DGKB: variants seen among roughly 807,000 people sequenced by gnomAD.
DGKB encodes the protein diacylglycerol kinase beta, also known as 90 kDa diacylglycerol kinase.
A neutral mutation model predicts 114.3 loss-of-function variants in DGKB; 67 were observed. The observed-to-expected ratio is 0.59, with a 90% confidence interval of 0.48 to 0.72. The LOEUF is 0.72. DGKB is among the 30% of genes least tolerant of loss of function. The pLI, the probability that DGKB is intolerant of heterozygous loss-of-function variation, is 0.00. For missense variants in DGKB, 907 were observed against 975.2 expected, an observed-to-expected ratio of 0.93 and a Z score of 0.93; for synonymous variants, 398 against 323.1, an observed-to-expected ratio of 1.23 and a Z score of -2.49.
chr7:14,882,159 A>C (rs1273699609), intron 1 of DGKB, among the ~76,000 whole-genome samples: 1 of 152,022 alleles, frequency 6.6e-6, no homozygotes, highest in Non-Finnish European at 1.5e-5. Flanking sequence ...TTTGGAGTTA[A>C]AAAAGTGAGA....
intron 1 of DGKB, among the ~76,000 whole-genome samples, chr7:14,892,896 A>G (rs1781485297): frequency 6.6e-6 from 1 of 150,388 alleles, no homozygotes; most frequent in Non-Finnish European, 1.5e-5. Flanking sequence ...GTATACACAT[A>G]TGTATATGTA....
intron 9 of DGKB, among the ~76,000 whole-genome samples, chr7:14,689,196 C>CTTCTTTTTTTTT (rs1554599070): frequency 1.2e-5 from 1 of 80,304 alleles, no homozygotes; most frequent in Non-Finnish European, 2.5e-5. Flanking sequence ...AGAAACTCCT[C>CTTCTTTTTTTTT]TTATTTTTTT....
intron 13 of DGKB, among the ~76,000 whole-genome samples, chr7:14,661,213 T>C (rs1489241225): frequency 6.7e-6 from 1 of 150,016 alleles, no homozygotes; most frequent in Non-Finnish European, 1.5e-5. Flanking sequence ...TGGGATCTAA[T>C]TAAACTAAAG....
chr7:14,489,354 T>C (rs1365429516), intron 20 of DGKB, among the ~76,000 whole-genome samples: 1 of 152,210 alleles, frequency 6.6e-6, no homozygotes, highest in African/African-American at 2.4e-5. Context: ...AAATTAGATA[T>C]TTAACTCTGT....
At chr7:14,164,243 A>AT (rs991995053) in intron 25 of DGKB, among the ~76,000 whole-genome samples, 4 of 152,084 alleles carry the variant, frequency 2.6e-5, no homozygotes, top group Admixed American at 6.6e-5. Flanking sequence ...TCTTCTGTTG[A>AT]TTTTTTCTCC....
chr7:14,281,850 G>T (rs948182777), intron 23 of DGKB, among the ~76,000 whole-genome samples: 1,971 of 144,770 alleles, frequency 0.014, 29 homozygotes, highest in South Asian at 0.017. Context: ...TCTCTGGGAC[G>T]CATTCAAAGC....
intron 23 of DGKB, among the ~76,000 whole-genome samples, chr7:14,309,256 G>T (rs575658003): frequency 1.8e-4 from 27 of 152,114 alleles, no homozygotes; most frequent in African/African-American, 6.5e-4. Flanking sequence ...TTTGCAATCA[G>T]AGCCCTGTCT....
intron 1 of DGKB, among the ~76,000 whole-genome samples, chr7:14,946,113 T>G (rs2128257429): frequency 7.1e-6 from 1 of 140,588 alleles, no homozygotes; most frequent in South Asian, 2.1e-4. Flanking sequence ...TCTCTTTCAT[T>G]TTGATTTGTT....
chr7:14,844,273 C>T, intron 1 of DGKB, among the ~76,000 whole-genome samples: 1 of 152,080 alleles, frequency 6.6e-6, no homozygotes, highest in East Asian at 1.9e-4. Context: ...GCTGCAAACC[C>T]AGAAGTTTCT....
intron 6 of DGKB, among the ~76,000 whole-genome samples, chr7:14,714,032 T>C (rs1827788808): frequency 6.6e-6 from 1 of 151,732 alleles, no homozygotes; most frequent in African/African-American, 2.4e-5. Context: ...TTGACTTTAA[T>C]ACACTTCCAT....
At chr7:14,230,443 G>A (rs574607328) in intron 23 of DGKB, among the ~76,000 whole-genome samples, 1 of 151,758 alleles carries the variant, frequency 6.6e-6, no homozygotes, top group East Asian at 1.9e-4. Flanking sequence ...AAGCTGTTAT[G>A]GTAAAATTTC....
chr7:14,356,642 G>A (rs1003603322), intron 21 of DGKB, among the ~76,000 whole-genome samples: 1 of 151,952 alleles, frequency 6.6e-6, no homozygotes, highest in African/African-American at 2.4e-5. Flanking sequence ...TTACAGGCGT[G>A]AGCCACCACG....
chr7:14,377,101 G>A (rs1386299932), intron 21 of DGKB, among the ~76,000 whole-genome samples: 2 of 152,166 alleles, frequency 1.3e-5, no homozygotes, highest in African/African-American at 4.8e-5. Context: ...TGAACCATGA[G>A]AACCCCTAAA....
At chr7:14,502,465 G>GC (rs1225201974) in intron 20 of DGKB, among the ~76,000 whole-genome samples, 1 of 151,980 alleles carries the variant, frequency 6.6e-6, no homozygotes, top group African/African-American at 2.4e-5. Context: ...GCTGTTTAAA[G>GC]CCATTACACT....
chr7:14,579,202 G>A (rs1799580894), intron 19 of DGKB, among the ~76,000 whole-genome samples: 2 of 152,054 alleles, frequency 1.3e-5, no homozygotes, highest in Non-Finnish European at 2.9e-5. Flanking sequence ...ATCTCCAGAA[G>A]GATAGAAGCC....
chr7:14,290,921 C>G (rs1427941528), intron 23 of DGKB, among the ~76,000 whole-genome samples: 2 of 151,842 alleles, frequency 1.3e-5, no homozygotes, highest in African/African-American at 4.8e-5. Flanking sequence ...GTGGGTGTAT[C>G]ACCTGAGCTC....
At chr7:14,216,524 G>A (rs929654101) in intron 23 of DGKB, among the ~76,000 whole-genome samples, 15 of 152,012 alleles carry the variant, frequency 9.9e-5, no homozygotes, top group East Asian at 3.9e-4. Flanking sequence ...TCAGGAGTTC[G>A]AAACCAGCCT....
At chr7:14,155,513 A>G (rs552188918) in intron 25 of DGKB, among the ~76,000 whole-genome samples, 2 of 152,218 alleles carry the variant, frequency 1.3e-5, no homozygotes, top group East Asian at 3.9e-4. Context: ...TAGTTACATC[A>G]TCTCTCTGAC....
Position 14,217,749 on chromosome 7 carries a change from G to A in DGKB, c.2123-39598C>T, listed in dbSNP as rs376395343. On this transcript the variant is annotated intron_variant, in intron 23 of 25. Coordinates refer to ENST00000402815, the MANE Select transcript of DGKB (RefSeq NM_001350709.2). ...GAGCTCAAACTATCTAGTCCCTTAC[G>A]CTTTCCCTGTGAGGTCACCATGGGC... 3.9e-5 allele frequency among the ~76,000 whole-genome samples: 6 copies of A among 151,976 alleles called. No homozygotes were observed. The East Asian group carries it at 9.7e-4, about 25-fold the overall frequency.
Sources: allele counts gnomAD v4.1 joint callset (sites outside exome capture counted in the v4.1 genomes callset), GRCh38; gene constraint gnomAD v4.1.1; transcripts MANE v1.5; gene names NCBI Gene and HGNC (gene_info 2026-07-23, HGNC 2026-07-21).